PPP2R3A: variants seen among roughly 807,000 people sequenced by gnomAD.
PPP2R3A encodes serine/threonine-protein phosphatase 2A regulatory subunit B'' subunit alpha.
PPP2R3A carries 80 observed loss-of-function variants against 106.9 expected under a neutral mutation model. The observed-to-expected ratio is 0.75, with a 90% CI of 0.62 to 0.90. PPP2R3A has a LOEUF of 0.90. Ranked by LOEUF, PPP2R3A falls within the 40% of genes least tolerant of loss-of-function variation. The pLI is 0.00. For synonymous variants in PPP2R3A, 483 were observed against 468.3 expected, an observed-to-expected ratio of 1.03 and a Z score of -0.41; for missense variants, 1,386 against 1,350.4, an observed-to-expected ratio of 1.03 and a Z score of -0.41.
At chr3:136,105,514 A>G (rs149846760) in intron 12 of PPP2R3A, among the ~76,000 whole-genome samples, 63 of 152,130 alleles carry the variant, frequency 4.1e-4, no homozygotes, top group African/African-American at 1.3e-3. Context: ...ATTCTCAACT[A>G]CTTAGTAGGT....
intron 2 of PPP2R3A, among the ~76,000 whole-genome samples, chr3:136,003,737 ATCT>A (rs927765631): frequency 1.3e-5 from 2 of 152,068 alleles, no homozygotes; most frequent in African/African-American, 2.4e-5. Context: ...CATACCCTTC[ATCT>A]TCTTCCCAGC....
intron 2 of PPP2R3A, among the ~76,000 whole-genome samples, chr3:136,010,230 A>G (rs188634146): frequency 1.3e-5 from 2 of 149,236 alleles, no homozygotes; most frequent in Admixed American, 1.3e-4. Flanking sequence ...GAACCATCCA[A>G]GCTCCTGTCT....
intron 1 of PPP2R3A, among the ~76,000 whole-genome samples, chr3:135,988,078 C>A (rs1932997332): frequency 6.6e-6 from 1 of 152,068 alleles, no homozygotes; most frequent in Non-Finnish European, 1.5e-5. Context: ...CCTCTGGACA[C>A]ATGTACCTGA....
At chr3:136,068,516 G>A (rs562942832) in intron 5 of PPP2R3A, among the ~76,000 whole-genome samples, 60 of 152,090 alleles carry the variant, frequency 3.9e-4, no homozygotes, top group African/African-American at 1.4e-3. Context: ...GCAAGACTCC[G>A]TCTCAAAAAA....
chr3:136,068,651 A>G (rs1221249067), intron 5 of PPP2R3A, among the ~76,000 whole-genome samples: 2 of 152,264 alleles, frequency 1.3e-5, no homozygotes, highest in East Asian at 3.8e-4. Context: ...TGTTGCAGGC[A>G]TAATCTAACA....
At chr3:135,990,412 A>G (rs1352130004) in intron 1 of PPP2R3A, among the ~76,000 whole-genome samples, 5 of 152,186 alleles carry the variant, frequency 3.3e-5, no homozygotes, top group African/African-American at 1.2e-4. Context: ...GAGGAGCTCA[A>G]TAAATACCTC....
intron 13 of PPP2R3A, among the ~76,000 whole-genome samples, chr3:136,130,871 G>T (rs1459020744): frequency 1.3e-5 from 2 of 152,152 alleles, no homozygotes; most frequent in African/African-American, 4.8e-5. Context: ...ACAACCATCT[G>T]ATCTTTGACA....
At chr3:136,052,137 G>T (rs895065671) in intron 5 of PPP2R3A, among the ~76,000 whole-genome samples, 1 of 152,050 alleles carries the variant, frequency 6.6e-6, no homozygotes, top group African/African-American at 2.4e-5. Flanking sequence ...GAACTGCATT[G>T]TAATAAAACA....
At chr3:136,073,128 C>T (rs957305698) in intron 6 of PPP2R3A, among the ~76,000 whole-genome samples, 32 of 152,082 alleles carry the variant, frequency 2.1e-4, no homozygotes, top group African/African-American at 7.7e-4. Flanking sequence ...CCACCACGCC[C>T]GGCTAATTTT....
At position 136,026,835 on chromosome 3, in the gene PPP2R3A, C is replaced by A. The variant is rs749487748; in HGVS notation, c.1999C>A (p.Gln667Lys). The change falls in exon 3 of 14, where the codon CAA becomes AAA. Residue 667 changes from glutamine to lysine, a missense_variant. Coordinates refer to ENST00000264977, the MANE Select transcript of PPP2R3A (RefSeq NM_002718.5). ...IQQTPEVIKI[Q>K]NKPEKKPGTP... ...CATAATCTTATTTTTCTTTTAGATT[C>A]AAAATAAACCAGAAAAGAAACCTGG... The A allele has an allele frequency of 1.3e-6, 2 of 1,593,342 alleles. No homozygotes were observed. Among genetic ancestry groups the A allele is most frequent in the East Asian group, 2.2e-5 (1 of 44,640 alleles).
rs531714841 is a variant in PPP2R3A at position 135,998,422 on chromosome 3, C to T, written c.-440-2637C>T. On this transcript the variant is annotated intron_variant, in intron 1 of 13. Coordinates refer to ENST00000264977, the MANE Select transcript of PPP2R3A (RefSeq NM_002718.5). The stretch of plus-strand genomic sequence containing the variant: ...GTAAATGAGAAGATATTCAGACTTA[C>T]CAGCAATCAAGGAAATGAAGATTAA... 4.6e-5 allele frequency among the ~76,000 whole-genome samples: 7 copies of T among 152,268 alleles called. No individual in the cohort carries two copies. The South Asian group carries it at 1.5e-3, about 32-fold the overall frequency.
At chr3:136,022,275 C>T (rs564883606) in intron 2 of PPP2R3A, among the ~76,000 whole-genome samples, 1 of 152,114 alleles carries the variant, frequency 6.6e-6, no homozygotes, top group East Asian at 1.9e-4. Context: ...TTTCTTAATA[C>T]TTCCAAGAAC....
chr3:136,081,958 T>C (rs759083676), intron 7 of PPP2R3A, among the ~76,000 whole-genome samples: 3 of 152,218 alleles, frequency 2.0e-5, no homozygotes, highest in African/African-American at 4.8e-5. Flanking sequence ...ATGATCTAAT[T>C]GTTCTTTTCA....
intron 10 of PPP2R3A, 133 bp downstream of exon 10, chr3:136,090,800 C>T (rs563330754): frequency 7.0e-5 from 44 of 631,986 alleles, no homozygotes; most frequent in Non-Finnish European, 1.0e-4. Context: ...TAGTTTCTGC[C>T]GTCTCGGAGC....
At chr3:135,972,868 C>T (rs1229544390) in intron 1 of PPP2R3A, among the ~76,000 whole-genome samples, 2 of 152,092 alleles carry the variant, frequency 1.3e-5, no homozygotes, top group Non-Finnish European at 2.9e-5. Flanking sequence ...TTATGATTTG[C>T]AAATATTTCC....
intron 1 of PPP2R3A, among the ~76,000 whole-genome samples, chr3:135,977,617 AT>A (rs1483194474): frequency 4.6e-5 from 7 of 152,072 alleles, no homozygotes; most frequent in African/African-American, 9.7e-5. Context: ...AGCATAAAAA[AT>A]ATAATTGTGC....
intron 3 of PPP2R3A, among the ~76,000 whole-genome samples, chr3:136,039,907 A>C (rs1935207339): frequency 6.6e-6 from 1 of 152,172 alleles, no homozygotes; most frequent in African/African-American, 2.4e-5. Context: ...CTTTTAGGGT[A>C]CTAAAATTGT....
chr3:136,088,124 G>T (rs1301824356), intron 9 of PPP2R3A, among the ~76,000 whole-genome samples, 193 bp downstream of exon 9: 4 of 152,004 alleles, frequency 2.6e-5, no homozygotes, highest in Non-Finnish European at 1.5e-5. Context: ...TGATTCAGGG[G>T]GTACACGTGC....
intron 13 of PPP2R3A, among the ~76,000 whole-genome samples, chr3:136,110,407 A>G (rs1055016830): frequency 1.3e-5 from 2 of 152,236 alleles, no homozygotes; most frequent in Non-Finnish European, 2.9e-5. Context: ...TTATTAAAAA[A>G]AAAATGCAGC....
Sources: gnomAD v4.1 joint callset for allele counts (sites outside exome capture counted in the v4.1 genomes callset) on GRCh38, gnomAD v4.1.1 for gene constraint, MANE v1.5 for transcripts, NCBI Gene and HGNC (gene_info 2026-07-23, HGNC 2026-07-21) for gene names.